The following LAMA3 variants were observed in gnomAD, a reference collection of about 807,000 sequenced individuals.
LAMA3 encodes laminin subunit alpha-3.
LAMA3 carries 281 observed loss-of-function variants against 402.0 expected under a neutral mutation model. The ratio of observed to expected loss-of-function variants is 0.70; its 90% CI spans 0.63 to 0.77. The LOEUF (loss-of-function observed/expected upper bound fraction) is 0.77. Among genes scored for constraint, LAMA3 ranks in the 30% least tolerant of loss-of-function variants. The pLI is 0.00. For missense variants in LAMA3, 3,840 were observed against 4,215.5 expected (o/e 0.91, Z 2.47); for synonymous variants, 1,431 against 1,558.4 (o/e 0.92, Z 1.93).
chr18:23,891,686 A>G (rs927426802), intron 42 of LAMA3, among the ~76,000 whole-genome samples: 6 of 152,196 alleles, frequency 3.9e-5, no homozygotes, highest in Non-Finnish European at 8.8e-5. Flanking sequence ...ACCTTTAGCT[A>G]TGTGATAAGT....
At chr18:23,807,112 G>C (rs2062977388) in intron 12 of LAMA3, among the ~76,000 whole-genome samples, 4 of 152,168 alleles carry the variant, frequency 2.6e-5, no homozygotes, top group Non-Finnish European at 5.9e-5. Context: ...AGAGTCATTA[G>C]TGCTTCTAAA....
intron 67 of LAMA3, among the ~76,000 whole-genome samples, chr18:23,937,863 A>G (rs530069995): frequency 6.6e-6 from 1 of 152,368 alleles, no homozygotes; most frequent in Non-Finnish European, 1.5e-5. Flanking sequence ...CGTTCTGAGC[A>G]CTATATCCAG....
rs1301270260 is a variant in LAMA3 at position 23,902,555 on chromosome 18, C to T, written c.6202-454C>T. On this transcript the variant is annotated intron_variant, in intron 48 of 74. Coordinates refer to ENST00000313654, the MANE Select transcript of LAMA3 (RefSeq NM_198129.4). The stretch of plus-strand genomic sequence containing the variant: ...TGCTGATTATGCCAAGGTAAGGGAG[C>T]AGACCCAACTTTATAGGCCTCTGAA... 2.0e-5 allele frequency among the ~76,000 whole-genome samples: 3 copies of T among 152,152 alleles called. No individual in the cohort carries two copies. In the East Asian group the frequency reaches 5.8e-4, roughly 29 times the overall value.
chr18:23,747,713 A>G (rs1293068299), intron 2 of LAMA3, among the ~76,000 whole-genome samples: 1 of 152,174 alleles, frequency 6.6e-6, no homozygotes, highest in Non-Finnish European at 1.5e-5. Flanking sequence ...GATGATGATC[A>G]ATGTGTATAT....
chr18:23,847,702 A>G (rs758645800), intron 32 of LAMA3, 34 bp downstream of exon 32: 1 of 1,597,678 alleles, frequency 6.3e-7, no homozygotes, highest in South Asian at 1.1e-5. Context: ...TGCTTCTGTC[A>G]CAGGGAGGTC....
Position 23,777,628 on chromosome 18 carries a change from C to A in LAMA3, c.1468+9C>A. Reference sequence around the variant, plus strand: ...AGCTGGAGATATAAAAGGCAAGTAACCTCCCTTTTGGTTTAACTCCAGTGA... The same window carrying A: ...AGCTGGAGATATAAAAGGCAAGTAAACTCCCTTTTGGTTTAACTCCAGTGA... On this transcript the variant is annotated intron_variant, in intron 11 of 74. Coordinates refer to ENST00000313654, the MANE Select transcript of LAMA3 (RefSeq NM_198129.4). 6.2e-7 allele frequency: 1 copy of A among 1,601,864 alleles called. No individual in the cohort carries two copies.
chr18:23,788,464 T>C (rs573492835), intron 12 of LAMA3, among the ~76,000 whole-genome samples: 1 of 151,724 alleles, frequency 6.6e-6, no homozygotes, highest in South Asian at 2.1e-4. Context: ...AAATATCTAA[T>C]ACAGAAGAAA....
intron 1 of LAMA3, among the ~76,000 whole-genome samples, chr18:23,711,085 T>C (rs2060981134): frequency 1.3e-5 from 2 of 152,190 alleles, no homozygotes; most frequent in African/African-American, 4.8e-5. Context: ...GATTCTTTGC[T>C]GTCTGTCAAG....
intron 1 of LAMA3, among the ~76,000 whole-genome samples, chr18:23,700,387 T>A (rs1439931781): frequency 6.6e-6 from 1 of 152,126 alleles, no homozygotes; most frequent in Non-Finnish European, 1.5e-5. Flanking sequence ...TGGAAACCGT[T>A]GAAAAATTGG....
chr18:23,780,156 C>T (rs929476807), intron 11 of LAMA3, among the ~76,000 whole-genome samples: 1 of 152,150 alleles, frequency 6.6e-6, no homozygotes, highest in East Asian at 1.9e-4. Context: ...ATTCATTAAA[C>T]TTTTATTAAG....
intron 42 of LAMA3, among the ~76,000 whole-genome samples, chr18:23,891,884 T>C (rs1239483523): frequency 6.6e-6 from 1 of 152,162 alleles, no homozygotes; most frequent in Non-Finnish European, 1.5e-5. Flanking sequence ...TAGTTACATC[T>C]TTAGAAGACA....
chr18:23,773,846 G>A (rs1397925676), intron 9 of LAMA3, among the ~76,000 whole-genome samples: 2 of 152,134 alleles, frequency 1.3e-5, no homozygotes, highest in South Asian at 4.1e-4. Context: ...TTACCATTGG[G>A]CCTGTCACAT....
rs774648696 is a variant in LAMA3, at chr18:23,747,978, A to G, written c.483A>G (p.Ala161=). Residue 161 remains alanine, a synonymous_variant, in exon 3 of 75, where the codon GCA becomes GCG. Transcript: ENST00000313654. ...TGGCCTATATTTTAATCAAATTTGC[A>G]AATTCTCCTCGCCCTGATCTTTGGG... ...FHVAYILIKF[A]NSPRPDLWVL... 1.2e-5 allele frequency: 20 copies of G among 1,612,560 alleles called. No individual in the cohort carries two copies. The Admixed American group carries it at 3.3e-4, about 27-fold the overall frequency.
intron 1 of LAMA3, among the ~76,000 whole-genome samples, chr18:23,705,092 G>C (rs1226310670): frequency 6.6e-6 from 1 of 152,188 alleles, no homozygotes; most frequent in East Asian, 1.9e-4. Flanking sequence ...AATAGCCTTG[G>C]TGCAATTCCA....
intron 2 of LAMA3, among the ~76,000 whole-genome samples, chr18:23,717,820 C>T (rs189189629): frequency 4.7e-5 from 7 of 149,542 alleles, no homozygotes; most frequent in East Asian, 2.0e-4. Context: ...CCACCCATCT[C>T]GGCCTCCCAA....
intron 12 of LAMA3, among the ~76,000 whole-genome samples, chr18:23,807,591 A>G (rs2062988646): frequency 6.6e-6 from 1 of 152,052 alleles, no homozygotes; most frequent in South Asian, 2.1e-4. Context: ...AAGGTAGGCT[A>G]ACAGGTTGGA....
At chr18:23,878,159 T>C (rs2064783674) in intron 39 of LAMA3, among the ~76,000 whole-genome samples, 1 of 152,134 alleles carries the variant, frequency 6.6e-6, no homozygotes, top group African/African-American at 2.4e-5. Flanking sequence ...CAGTGAACCA[T>C]TGCCAGATGT....
chr18:23,734,243 G>A (rs2146022177), intron 2 of LAMA3, among the ~76,000 whole-genome samples: 1 of 152,300 alleles, frequency 6.6e-6, no homozygotes, highest in Non-Finnish European at 1.5e-5. Context: ...CTCCTTTCAG[G>A]CTCAGGGTAT....
intron 37 of LAMA3, among the ~76,000 whole-genome samples, chr18:23,868,397 A>G (rs957235758): frequency 1.3e-5 from 2 of 152,140 alleles, no homozygotes; most frequent in African/African-American, 2.4e-5. Flanking sequence ...TTAATTATCC[A>G]TATCTTAAAA....
Sources: gnomAD v4.1 joint callset for allele counts (sites outside exome capture counted in the v4.1 genomes callset) on GRCh38, gnomAD v4.1.1 for gene constraint, MANE v1.5 for transcripts, NCBI Gene and HGNC (gene_info 2026-07-23, HGNC 2026-07-21) for gene names.